Variants in AFF2 observed in about 807,000 individuals in gnomAD.
AFF2 encodes the protein ALF transcription elongation factor 2.
AFF2 carries 14 observed loss-of-function variants against 76.9 expected under a neutral mutation model. The observed-to-expected ratio is 0.18, with a 90% CI of 0.12 to 0.28. AFF2 has a LOEUF of 0.28. Among genes scored for constraint, AFF2 ranks in the 10% least tolerant of loss-of-function variants. The probability of loss-of-function intolerance (pLI) is 1.00; values close to 1 mark genes in which losing one functional copy is unlikely to be tolerated. For missense variants in AFF2, 868 were observed against 1,001.1 expected (o/e 0.87, Z 1.79); for synonymous variants, 398 against 366.7 (o/e 1.09, Z -0.98).
chrX:148,608,295 A>C, intron 1 of AFF2, among the ~76,000 whole-genome samples: 1 of 111,548 alleles, frequency 9.0e-6, no homozygotes, highest in Non-Finnish European at 1.9e-5. Context: ...AGCAAAATTA[A>C]TTTGAATTAG....
At chrX:148,547,573 T>C (rs2052937244) in intron 1 of AFF2, among the ~76,000 whole-genome samples, 1 of 112,160 alleles carries the variant, frequency 8.9e-6, no homozygotes, top group Admixed American at 9.4e-5. Flanking sequence ...GGATCGTATA[T>C]ACCTTCTCTC....
chrX:148,753,662 A>G (rs1399725154), intron 3 of AFF2, among the ~76,000 whole-genome samples: 1 of 112,109 alleles, frequency 8.9e-6, no homozygotes, highest in Admixed American at 9.5e-5. Context: ...TGTAGCTATG[A>G]TGTGTATCCT....
chrX:148,799,651 C>T (rs781954899), intron 3 of AFF2, among the ~76,000 whole-genome samples: 1 of 112,141 alleles, frequency 8.9e-6, no homozygotes, highest in East Asian at 2.8e-4. Flanking sequence ...ATAAAACATG[C>T]CATGACAGTT....
At chrX:148,541,381 G>A (rs1162528785) in intron 1 of AFF2, among the ~76,000 whole-genome samples, 1 of 111,891 alleles carries the variant, frequency 8.9e-6, no homozygotes, top group African/African-American at 3.3e-5. Flanking sequence ...GAGCTGGATT[G>A]TATTAAACTG....
At chrX:148,938,481 T>C (rs2071797806) in intron 9 of AFF2, among the ~76,000 whole-genome samples, 1 of 111,975 alleles carries the variant, frequency 8.9e-6, no homozygotes, top group South Asian at 3.7e-4. Flanking sequence ...GAATCACAAC[T>C]CATAAAAACC....
In AFF2 at chrX:148,500,637, T is replaced by TGCTGCCGCCGCCGCCGCCGCCGCC. The variant is rs1557231522; in HGVS notation, c.-459_-458insTGCCGCCGCCGCCGCCGCCGCCGC. On this transcript the variant is annotated 5_prime_UTR_variant, in exon 1 of 21. Coordinates refer to ENST00000370460, the MANE Select transcript of AFF2 (RefSeq NM_002025.4). Reference sequence around the variant, plus strand: ...CCGCCGCCGCCGCCTGTGCAGCCGCTGCCGCCGCCGCCGCCGCCGCCGCCG... The same window carrying TGCTGCCGCCGCCGCCGCCGCCGCC: ...CCGCCGCCGCCGCCTGTGCAGCCGCTGCTGCCGCCGCCGCCGCCGCCGCCGCCGCCGCCGCCGCCGCCGCCGCCG... 1 of 73,753 alleles carries TGCTGCCGCCGCCGCCGCCGCCGCC rather than the reference T, an allele frequency of 1.4e-5. No homozygotes were observed. The highest frequency in any genetic ancestry group is 2.6e-5 in the Non-Finnish European group (1 of 38,085). 6.1% of individuals were successfully genotyped at this position (73,753 alleles called of 1,213,427 possible). A position where few individuals can be genotyped will look rare whatever the true frequency, so the allele number is the denominator to read the frequency against.
chrX:148,650,404 C>A (rs147241408), intron 1 of AFF2, among the ~76,000 whole-genome samples: 1 of 111,426 alleles, frequency 9.0e-6, no homozygotes, highest in Non-Finnish European at 1.9e-5. Context: ...TCTTCCTTGA[C>A]CAGGCAAGGC....
At chrX:148,701,848 A>G (rs782524201) in intron 3 of AFF2, among the ~76,000 whole-genome samples, 16 of 112,138 alleles carry the variant, frequency 1.4e-4, no homozygotes, top group African/African-American at 5.2e-4. Flanking sequence ...GAAATTTATC[A>G]TCTGTCTCTC....
At chrX:148,709,465 G>T (rs1471285310) in intron 3 of AFF2, among the ~76,000 whole-genome samples, 2 of 112,036 alleles carry the variant, frequency 1.8e-5, no homozygotes, top group Non-Finnish European at 3.8e-5. Flanking sequence ...AACACAATAT[G>T]TTATTTGTCA....
At chrX:148,943,253 A>T (rs1481146745) in intron 9 of AFF2, among the ~76,000 whole-genome samples, 2 of 112,531 alleles carry the variant, frequency 1.8e-5, no homozygotes, top group African/African-American at 6.5e-5. Context: ...TTCAGTAAGG[A>T]AACTATATGA....
intron 1 of AFF2, among the ~76,000 whole-genome samples, chrX:148,560,535 G>T (rs1557240435): frequency 8.9e-6 from 1 of 112,041 alleles, no homozygotes; most frequent in Non-Finnish European, 1.9e-5. Context: ...TGACAAATGG[G>T]ATCTAATTAA....
chrX:148,759,970 T>C (rs2069421039), intron 3 of AFF2, among the ~76,000 whole-genome samples: 1 of 112,308 alleles, frequency 8.9e-6, no homozygotes, highest in Non-Finnish European at 1.9e-5. Context: ...TGTGAATTAA[T>C]ACTTGCTTTG....
chrX:148,811,690 C>T (rs782262421), intron 4 of AFF2, among the ~76,000 whole-genome samples: 12 of 111,916 alleles, frequency 1.1e-4, no homozygotes, highest in Non-Finnish European at 2.3e-4. Context: ...TTGTCACAAT[C>T]GAAATTACAT....
chrX:148,604,418 G>A (rs2053654801), intron 1 of AFF2, among the ~76,000 whole-genome samples: 1 of 111,448 alleles, frequency 9.0e-6, no homozygotes, highest in African/African-American at 3.3e-5. Flanking sequence ...TAAGAGACAG[G>A]GTCTTGCTCT....
intron 1 of AFF2, among the ~76,000 whole-genome samples, chrX:148,567,167 C>T (rs999314972): frequency 1.8e-5 from 2 of 111,505 alleles, no homozygotes; most frequent in South Asian, 3.7e-4. Flanking sequence ...AACCATGCAG[C>T]GGATTTAGTG....
intron 4 of AFF2, among the ~76,000 whole-genome samples, chrX:148,831,153 G>T (rs1017592285): frequency 3.6e-5 from 4 of 112,149 alleles, no homozygotes; most frequent in African/African-American, 1.3e-4. Flanking sequence ...CTGTTATCCT[G>T]TTCTTTTTTC....
intron 19 of AFF2, among the ~76,000 whole-genome samples, chrX:148,983,542 T>C (rs1194509550): frequency 8.9e-6 from 1 of 112,168 alleles, no homozygotes; most frequent in Non-Finnish European, 1.9e-5. Flanking sequence ...ACTGTTGTAA[T>C]TGTTACCTAT....
intron 4 of AFF2, among the ~76,000 whole-genome samples, chrX:148,829,663 G>C (rs1557273177): frequency 8.9e-6 from 1 of 112,167 alleles, no homozygotes; most frequent in African/African-American, 3.2e-5. Flanking sequence ...CAGAAGTAAA[G>C]TGTATGATTA....
chrX:148,597,626 A>G (rs2053587189), intron 1 of AFF2, among the ~76,000 whole-genome samples: 1 of 112,154 alleles, frequency 8.9e-6, no homozygotes, highest in Non-Finnish European at 1.9e-5. Flanking sequence ...CAGGGCAATT[A>G]TAGTCGACAT....
Sources: allele counts gnomAD v4.1 joint callset (sites outside exome capture counted in the v4.1 genomes callset), GRCh38; gene constraint gnomAD v4.1.1; transcripts MANE v1.5; gene names NCBI Gene and HGNC (gene_info 2026-07-23, HGNC 2026-07-21).